The following BMPR2 variants were observed in gnomAD, a reference collection of about 807,000 sequenced individuals.
The protein encoded by BMPR2 is bone morphogenetic protein receptor type-2.
BMPR2 carries 29 observed loss-of-function variants against 100.8 expected under a neutral mutation model. The observed-to-expected ratio is 0.29, with a 90% CI of 0.21 to 0.39. BMPR2 has a LOEUF of 0.39. Ranked by LOEUF, BMPR2 falls within the 10% of genes least tolerant of loss-of-function variation. The pLI is 1.00. For synonymous variants in BMPR2, 382 were observed against 442.3 expected (o/e 0.86, Z 1.71); for missense variants, 1,011 against 1,274.5 (o/e 0.79, Z 3.15).
At chr2:202,513,918 A>G in intron 4 of BMPR2, 89 bp downstream of exon 4, 1 of 1,037,406 alleles carries the variant, frequency 9.6e-7, no homozygotes, top group South Asian at 1.4e-5. Flanking sequence ...ATGTTAAAAA[A>G]AATAGTCTCA....
chr2:202,522,936 G>A (rs981840591), intron 7 of BMPR2, among the ~76,000 whole-genome samples: 1 of 152,048 alleles, frequency 6.6e-6, no homozygotes, highest in Non-Finnish European at 1.5e-5. Context: ...AACTATCCAC[G>A]GAGTAAACAA....
At chr2:202,422,272 G>T (rs142457758) in intron 1 of BMPR2, among the ~76,000 whole-genome samples, 1 of 152,050 alleles carries the variant, frequency 6.6e-6, no homozygotes, top group African/African-American at 2.4e-5. Flanking sequence ...GCTGCTATTT[G>T]TCTTGTAGCT....
chr2:202,389,437 G>T (rs1309973186), intron 1 of BMPR2, among the ~76,000 whole-genome samples: 1 of 145,350 alleles, frequency 6.9e-6, no homozygotes, highest in Non-Finnish European at 1.5e-5. Flanking sequence ...TGAGGCAGGA[G>T]AATCGCTTGA....
Position 202,532,520 on chromosome 2 carries a change from TC to T in BMPR2, c.1129-64del, listed in dbSNP as rs1432955190. 4 of 1,559,238 alleles carry T rather than the reference TC, an allele frequency of 2.6e-6. No individual in the cohort carries two copies. In the African/African-American group the frequency reaches 5.4e-5, roughly 21 times the overall value. ...ACTAAGATTTATATATAACTTCTGG[TC>T]TAATGTCTGTTCTTCAGAATATGCT... is the stretch of plus-strand genomic sequence containing the variant. On this transcript the variant is annotated intron_variant, in intron 8 of 12. Transcript: ENST00000374580. This position sits in a 1 kb window ranked among gnomAD's most constrained non-coding sequence, Gnocchi z 4.1.
chr2:202,532,182 C>A lies in BMPR2; in HGVS notation c.1129-403C>A, dbSNP rs927316355. On this transcript the variant is annotated intron_variant, in intron 8 of 12. Coordinates refer to ENST00000374580, the MANE Select transcript of BMPR2 (RefSeq NM_001204.7). The surrounding 1 kb of genome is among the most constrained non-coding windows in gnomAD (Gnocchi z 4.1). ...GGTCTCGATCTCCTGACCTTGAGAT[C>A]CACCCGCCTTGGCCTCCCAAAGTGC... Among the ~76,000 whole-genome samples, 1 of 151,738 alleles carries A rather than the reference C, an allele frequency of 6.6e-6. No individual in the cohort carries two copies. Among genetic ancestry groups the A allele is most frequent in the African/African-American group, 2.4e-5 (1 of 41,294 alleles).
chr2:202,477,599 C>G (rs1692575559), intron 3 of BMPR2, among the ~76,000 whole-genome samples: 1 of 152,024 alleles, frequency 6.6e-6, no homozygotes, highest in African/African-American at 2.4e-5. Context: ...ACCAGCCTGG[C>G]CAATATGATG....
In BMPR2 at chr2:202,560,693, C is replaced by G. The variant is rs1688664864; in HGVS notation, c.*747C>G. On this transcript the variant is annotated 3_prime_UTR_variant, in exon 13 of 13. Transcript: ENST00000374580. Reference sequence around the variant, plus strand: ...GCTCTAAAGAAGGAACTACCAAAACCTGACTTGAAATGCCATTTCTTTTAA... The same window carrying G: ...GCTCTAAAGAAGGAACTACCAAAACGTGACTTGAAATGCCATTTCTTTTAA... 6.6e-6 allele frequency: 1 copy of G among 152,576 alleles called. No homozygotes were observed. Among genetic ancestry groups the G allele is most frequent in the African/African-American group, 2.4e-5 (1 of 41,440 alleles). 9.5% of individuals were successfully genotyped at this position (152,576 alleles called of 1,614,324 possible).
At chr2:202,502,265 G>A (rs1178023341) in intron 3 of BMPR2, among the ~76,000 whole-genome samples, 1 of 152,226 alleles carries the variant, frequency 6.6e-6, no homozygotes, top group African/African-American at 2.4e-5. Context: ...ACACAAAGAG[G>A]TGGGAATCTT....
chr2:202,523,558 C>T (rs1687855784), intron 7 of BMPR2, among the ~76,000 whole-genome samples: 1 of 152,102 alleles, frequency 6.6e-6, no homozygotes. Context: ...AATCCCAGCA[C>T]TTTGGGAGGC....
intron 1 of BMPR2, among the ~76,000 whole-genome samples, chr2:202,440,865 T>C (rs1691725334): frequency 6.6e-6 from 1 of 150,552 alleles, no homozygotes; most frequent in African/African-American, 2.5e-5. Context: ...CTTTATCACA[T>C]TGAGAATGAT....
chr2:202,554,332 A>C (rs553236454), intron 11 of BMPR2, among the ~76,000 whole-genome samples: 214 of 152,126 alleles, frequency 1.4e-3, no homozygotes, highest in African/African-American at 4.8e-3. Flanking sequence ...TTGATGGCCC[A>C]CCTTGATTTG....
chr2:202,400,737 T>C (rs1031498783), intron 1 of BMPR2, among the ~76,000 whole-genome samples: 3 of 152,196 alleles, frequency 2.0e-5, no homozygotes, highest in Admixed American at 2.0e-4. Flanking sequence ...AATTATCTGA[T>C]TAGTGCATAG....
chr2:202,429,216 A>C (rs1691453818), intron 1 of BMPR2, among the ~76,000 whole-genome samples: 1 of 152,174 alleles, frequency 6.6e-6, no homozygotes, highest in Non-Finnish European at 1.5e-5. Context: ...CTTTTCTAAA[A>C]TACAAATCTA....
At chr2:202,410,729 G>T (rs1489760584) in intron 1 of BMPR2, among the ~76,000 whole-genome samples, 1 of 151,944 alleles carries the variant, frequency 6.6e-6, no homozygotes, top group Admixed American at 6.6e-5. Flanking sequence ...ACAGGCGCCC[G>T]CTGCCACGCC....
At position 202,495,907 on chromosome 2, in the gene BMPR2, T is replaced by A. The variant is rs377193136; in HGVS notation, c.419-17812T>A. ...CCTTCAAAAAACTGTATGAGAAGACTCATTATACAGAGTTTTGGAAGTAGG... is the reference window on the plus strand; with the variant it reads ...CCTTCAAAAAACTGTATGAGAAGACACATTATACAGAGTTTTGGAAGTAGG... On this transcript the variant is annotated intron_variant, in intron 3 of 12. Coordinates refer to ENST00000374580, the MANE Select transcript of BMPR2 (RefSeq NM_001204.7). This position sits in a 1 kb window ranked among gnomAD's most constrained non-coding sequence, Gnocchi z 4.5. Among the ~76,000 whole-genome samples the A allele has an allele frequency of 1.5e-3, 222 of 152,340 alleles. No homozygotes were observed. The highest frequency in any genetic ancestry group is 5.2e-3 in the African/African-American group (215 of 41,578).
At chr2:202,539,933 C>T (rs991306703) in intron 9 of BMPR2, among the ~76,000 whole-genome samples, 14 of 152,238 alleles carry the variant, frequency 9.2e-5, no homozygotes, top group African/African-American at 2.9e-4. Flanking sequence ...TAAGGAAATT[C>T]AGTAAGGTTT....
At chr2:202,405,950 A>G (rs951102320) in intron 1 of BMPR2, among the ~76,000 whole-genome samples, 1 of 152,190 alleles carries the variant, frequency 6.6e-6, no homozygotes, top group Non-Finnish European at 1.5e-5. Flanking sequence ...CTGAAATTAT[A>G]CAGTCATTTT....
Position 202,564,014 on chromosome 2 carries a change from G to C in BMPR2, c.*4068G>C, listed in dbSNP as rs1184532206. On this transcript the variant is annotated 3_prime_UTR_variant, in exon 13 of 13. Coordinates refer to ENST00000374580, the MANE Select transcript of BMPR2 (RefSeq NM_001204.7). ...AGAAAGGAACACTCAAGTAAGTGTG[G>C]GCTTCAGTGGGAATTATCACAAAAC... is the stretch of plus-strand genomic sequence containing the variant. 1 of 152,108 alleles carries C rather than the reference G, an allele frequency of 6.6e-6. No homozygotes were observed. Among genetic ancestry groups the C allele is most frequent in the Non-Finnish European group, 1.5e-5 (1 of 68,022 alleles). The allele number at this position is 152,108 out of a possible 1,614,324, so 9.4% of individuals were successfully genotyped here. A position where few individuals can be genotyped will look rare whatever the true frequency, so the allele number is the denominator to read the frequency against.
At chr2:202,501,378 T>A (rs954319717) in intron 3 of BMPR2, among the ~76,000 whole-genome samples, 1 of 152,240 alleles carries the variant, frequency 6.6e-6, no homozygotes, top group African/African-American at 2.4e-5. Context: ...AATACTCATC[T>A]AGTCGAATGG....
Sources: allele counts gnomAD v4.1 joint callset (sites outside exome capture counted in the v4.1 genomes callset), GRCh38; gene constraint gnomAD v4.1.1; non-coding constraint Gnocchi (gnomAD v3.1); transcripts MANE v1.5; gene names NCBI Gene and HGNC (gene_info 2026-07-23, HGNC 2026-07-21).